Variants in SORBS2 observed in about 807,000 individuals in gnomAD.
The protein encoded by SORBS2 is sorbin and SH3 domain containing 2, also known as sorbin and SH3 domain-containing protein 2.
Under a neutral mutation model 97.7 loss-of-function variants are expected in SORBS2, and 46 were observed. The observed-to-expected ratio is 0.47, with a 90% CI of 0.37 to 0.60. The LOEUF (loss-of-function observed/expected upper bound fraction) is 0.60, where lower values mean the gene tolerates loss of function less well. SORBS2 is among the 20% of genes least tolerant of loss of function. The probability of loss-of-function intolerance (pLI) is 0.00; values close to 1 mark genes in which losing one functional copy is unlikely to be tolerated. For synonymous variants in SORBS2, 476 were observed against 473.4 expected, an observed-to-expected ratio of 1.01 and a Z score of -0.07; for missense variants, 1,316 against 1,282.3, an observed-to-expected ratio of 1.03 and a Z score of -0.40.
At chr4:185,892,308 T>G (rs1338403380) in intron 1 of SORBS2, among the ~76,000 whole-genome samples, 2 of 152,208 alleles carry the variant, frequency 1.3e-5, no homozygotes, top group Non-Finnish European at 2.9e-5. Context: ...AATTGCATCA[T>G]GTATCTTTAA....
intron 2 of SORBS2, among the ~76,000 whole-genome samples, chr4:185,707,764 GA>G (rs1399379747): frequency 2.0e-5 from 3 of 152,174 alleles, no homozygotes; most frequent in Non-Finnish European, 2.9e-5. Flanking sequence ...CAGCAGGCAA[GA>G]GAGCTTGTGC....
chr4:185,922,051 T>C (rs2099261144), intron 1 of SORBS2, among the ~76,000 whole-genome samples: 1 of 152,242 alleles, frequency 6.6e-6, no homozygotes, highest in African/African-American at 2.4e-5. Context: ...GTTATCAACA[T>C]AGTCCTTTCA....
intron 2 of SORBS2, among the ~76,000 whole-genome samples, chr4:185,693,707 A>T (rs1037507160): frequency 6.6e-6 from 1 of 152,254 alleles, no homozygotes; most frequent in Non-Finnish European, 1.5e-5. Context: ...CAAAGAAAAC[A>T]TCAAATACAG....
intron 4 of SORBS2, among the ~76,000 whole-genome samples, chr4:185,633,689 GA>G (rs1222618810): frequency 1.3e-5 from 2 of 151,428 alleles, no homozygotes; most frequent in Non-Finnish European, 2.9e-5. Context: ...TGATATAAAG[GA>G]AATAGCACAG....
chr4:185,938,520 T>C (rs1447515208), intron 1 of SORBS2, among the ~76,000 whole-genome samples: 3 of 151,990 alleles, frequency 2.0e-5, no homozygotes, highest in Non-Finnish European at 2.9e-5. Flanking sequence ...AAACTTCTTA[T>C]CCTGCGTGTC....
At position 185,606,120 on chromosome 4, in the gene SORBS2, AG is replaced by A; in HGVS notation, c.2796+5659del. On this transcript the variant is annotated intron_variant, in intron 12 of 14. Transcript: ENST00000418609. This position sits in a 1 kb window ranked among gnomAD's most constrained non-coding sequence, Gnocchi z 4.3. The stretch of plus-strand genomic sequence containing the variant: ...TTTTTGCAAAGTGCCGTTATGTCAA[AG>A]GTATGGTGTACAGTTTCTCATCCTG... 2.0e-6 allele frequency: 2 copies of A among 985,406 alleles called. No homozygotes were observed. Among genetic ancestry groups the A allele is most frequent in the Non-Finnish European group, 2.4e-6 (2 of 829,914 alleles). The allele number at this position is 985,406 out of a possible 1,614,324, so 61.0% of individuals were successfully genotyped here. A position where few individuals can be genotyped will look rare whatever the true frequency, so the allele number is the denominator to read the frequency against.
At chr4:185,816,980 G>C (rs1463463625) in intron 1 of SORBS2, among the ~76,000 whole-genome samples, 1 of 152,190 alleles carries the variant, frequency 6.6e-6, no homozygotes, top group Non-Finnish European at 1.5e-5. Flanking sequence ...AGAGGAATAA[G>C]GAAAATGTGG....
intron 4 of SORBS2, among the ~76,000 whole-genome samples, chr4:185,662,587 G>A (rs1247585530): frequency 2.0e-5 from 3 of 152,188 alleles, no homozygotes; most frequent in African/African-American, 2.4e-5. Context: ...TCTGACAGTC[G>A]TAACATCAGC....
chr4:185,680,455 C>T (rs1206406141), intron 2 of SORBS2, among the ~76,000 whole-genome samples: 2 of 152,174 alleles, frequency 1.3e-5, no homozygotes, highest in African/African-American at 4.8e-5. Flanking sequence ...ATTTAATAAC[C>T]ATGAGGCTGC....
intron 2 of SORBS2, among the ~76,000 whole-genome samples, chr4:185,688,503 TAA>T (rs2098021476): frequency 3.0e-5 from 3 of 100,896 alleles, no homozygotes; most frequent in African/African-American, 1.0e-4. Flanking sequence ...GATAGATAGA[TAA>T]ATAGATAGAT....
At chr4:185,657,867 G>A (rs1214014492), upstream of SORBS2, among the ~76,000 whole-genome samples, 1 of 152,166 alleles carries the variant, frequency 6.6e-6, no homozygotes, top group African/African-American at 2.4e-5. Context: ...TCTGAGTTAG[G>A]AAGTGCTCTA....
intron 1 of SORBS2, among the ~76,000 whole-genome samples, chr4:185,864,361 C>T (rs1047322250): frequency 6.6e-6 from 1 of 152,120 alleles, no homozygotes; most frequent in African/African-American, 2.4e-5. Context: ...TAAAGGACCA[C>T]GTTTATTTTT....
chr4:185,650,700 C>T (rs1488489396), intron 2 of SORBS2, among the ~76,000 whole-genome samples: 6 of 152,166 alleles, frequency 3.9e-5, no homozygotes, highest in Non-Finnish European at 7.3e-5. Flanking sequence ...ACAACATCTA[C>T]ACTTACAGTT....
intron 1 of SORBS2, among the ~76,000 whole-genome samples, chr4:185,939,014 G>A (rs1376864065): frequency 2.6e-5 from 4 of 152,122 alleles, no homozygotes; most frequent in Admixed American, 6.5e-5. Context: ...CAGATTTCCC[G>A]ATAAATACTC....
Position 185,684,878 on chromosome 4 carries a change from A to C in SORBS2, c.-197-6056T>G. 6.6e-7 allele frequency: 1 copy of C among 1,514,472 alleles called. No individual in the cohort carries two copies. The highest frequency in any genetic ancestry group is 9.0e-7 in the Non-Finnish European group (1 of 1,113,412). 93.8% of individuals were successfully genotyped at this position (1,514,472 alleles called of 1,614,324 possible). A position where few individuals can be genotyped will look rare whatever the true frequency, so the allele number is the denominator to read the frequency against. On this transcript the variant is annotated intron_variant, in intron 2 of 20. Coordinates refer to the SORBS2 transcript ENST00000284776. This position sits in a 1 kb window ranked among gnomAD's most constrained non-coding sequence, Gnocchi z 4.2. ...GCAAAAAAATGATATAGCAGAGGCC[A>C]AGGCAACGGGAAAAGCACGTGCAAT...
chr4:185,861,079 T>G (rs1324006290), intron 1 of SORBS2, among the ~76,000 whole-genome samples: 2 of 152,162 alleles, frequency 1.3e-5, no homozygotes, highest in East Asian at 3.9e-4. Context: ...TACTTCAACT[T>G]CTTTCAGGGC....
At chr4:185,840,831 AGGAG>A (rs1209410988) in intron 1 of SORBS2, among the ~76,000 whole-genome samples, 2 of 152,122 alleles carry the variant, frequency 1.3e-5, no homozygotes, top group Non-Finnish European at 2.9e-5. Context: ...TTCACTCACT[AGGAG>A]GGAGGCAGAC....
At chr4:185,893,674 G>C (rs2099243588) in intron 1 of SORBS2, among the ~76,000 whole-genome samples, 1 of 152,202 alleles carries the variant, frequency 6.6e-6, no homozygotes, top group Non-Finnish European at 1.5e-5. Flanking sequence ...AAAAGGGTCA[G>C]CTGACTGAAG....
chr4:185,673,957 G>A (rs969824131), intron 4 of SORBS2, among the ~76,000 whole-genome samples: 1 of 152,130 alleles, frequency 6.6e-6, no homozygotes, highest in Non-Finnish European at 1.5e-5. Flanking sequence ...AGAGGACACT[G>A]CTTTCAGTCT....
Sources: allele counts gnomAD v4.1 joint callset (sites outside exome capture counted in the v4.1 genomes callset), GRCh38; gene constraint gnomAD v4.1.1; non-coding constraint Gnocchi (gnomAD v3.1); transcripts MANE v1.5; gene names NCBI Gene and HGNC (gene_info 2026-07-23, HGNC 2026-07-21).